Variants in RORA observed in about 807,000 individuals in gnomAD.
RORA encodes nuclear receptor ROR-alpha.
A neutral mutation model predicts 69.5 loss-of-function variants in RORA; 7 were observed. The observed-to-expected ratio is 0.10, with a 90% CI of 0.06 to 0.19. The LOEUF (loss-of-function observed/expected upper bound fraction) is 0.19, where lower values mean the gene tolerates loss of function less well. RORA is among the 10% of genes least tolerant of loss of function. The pLI is 1.00. For synonymous variants in RORA, 261 were observed against 240.8 expected (o/e 1.08, Z -0.78); for missense variants, 457 against 663.0 (o/e 0.69, Z 3.41).
intron 1 of RORA, among the ~76,000 whole-genome samples, chr15:60,925,834 G>A (rs1892202030): frequency 6.6e-6 from 1 of 152,186 alleles, no homozygotes; most frequent in Admixed American, 6.5e-5. Context: ...TAATAATGCA[G>A]GTACTTTGAA....
intron 1 of RORA, among the ~76,000 whole-genome samples, chr15:60,890,215 C>A (rs1188703725): frequency 6.6e-6 from 1 of 152,216 alleles, no homozygotes; most frequent in Non-Finnish European, 1.5e-5. Flanking sequence ...TTTATTCTAA[C>A]CCCCTTATTT....
chr15:60,771,507 C>T (rs1044178516), intron 1 of RORA, among the ~76,000 whole-genome samples: 3 of 152,156 alleles, frequency 2.0e-5, no homozygotes, highest in African/African-American at 7.2e-5. Flanking sequence ...AGCACTAGGC[C>T]TTTCATATAG....
At chr15:61,149,569 A>G (rs974885101) in intron 1 of RORA, among the ~76,000 whole-genome samples, 1 of 152,156 alleles carries the variant, frequency 6.6e-6, no homozygotes, top group Non-Finnish European at 1.5e-5. Context: ...CAAAGGAGTG[A>G]TGTGCCATAA....
At chr15:61,214,893 T>C (rs1398371492) in intron 1 of RORA, among the ~76,000 whole-genome samples, 1 of 132,686 alleles carries the variant, frequency 7.5e-6, no homozygotes, top group Non-Finnish European at 1.5e-5. Flanking sequence ...TGAGACGGAG[T>C]CTTGCTGTGT....
intron 1 of RORA, among the ~76,000 whole-genome samples, chr15:61,116,663 A>G (rs1221515237): frequency 2.6e-5 from 4 of 152,200 alleles, no homozygotes; most frequent in Non-Finnish European, 5.9e-5. Flanking sequence ...GACTGAAAAC[A>G]TTGACGAGCT....
chr15:61,116,968 C>A (rs1005748186), intron 1 of RORA, among the ~76,000 whole-genome samples: 3 of 152,144 alleles, frequency 2.0e-5, no homozygotes, highest in Admixed American at 1.3e-4. Context: ...AGGCTCTCAT[C>A]TTGCCCATTA....
At chr15:61,193,977 C>T (rs1421734744) in intron 1 of RORA, 1 of 152,134 alleles carries the variant, frequency 6.6e-6, no homozygotes, top group Non-Finnish European at 1.5e-5. Flanking sequence ...TTCCTATAGC[C>T]CTGGGGAGTA....
intron 1 of RORA, among the ~76,000 whole-genome samples, chr15:61,180,214 G>A (rs983787546): frequency 6.7e-6 from 1 of 148,258 alleles, no homozygotes; most frequent in African/African-American, 2.5e-5. Flanking sequence ...TACCAGTTAA[G>A]TATGACTTAA....
At chr15:61,058,647 G>A (rs1187381162) in intron 1 of RORA, among the ~76,000 whole-genome samples, 1 of 152,188 alleles carries the variant, frequency 6.6e-6, no homozygotes, top group Non-Finnish European at 1.5e-5. Context: ...GCTGGAGTGA[G>A]AAGAAGAATG....
chr15:60,701,046 C>T (rs955159202), intron 1 of RORA, among the ~76,000 whole-genome samples: 9 of 152,164 alleles, frequency 5.9e-5, no homozygotes, highest in African/African-American at 1.4e-4. Flanking sequence ...CACCCAAAGG[C>T]GGCCTACTCT....
intron 1 of RORA, among the ~76,000 whole-genome samples, chr15:61,006,988 G>C (rs978499319): frequency 6.6e-6 from 1 of 151,924 alleles, no homozygotes; most frequent in African/African-American, 2.4e-5. Context: ...TCCTAAATGT[G>C]TCTGATAATG....
intron 9 of RORA, 47 bp from the exon 10 acceptor site, chr15:60,500,051 T>A: frequency 8.7e-7 from 1 of 1,150,550 alleles, no homozygotes; most frequent in Non-Finnish European, 1.3e-6. Flanking sequence ...TGACATGGTG[T>A]CAGGATCCTT....
intron 1 of RORA, among the ~76,000 whole-genome samples, chr15:61,076,966 T>C (rs1297394393): frequency 2.0e-5 from 3 of 152,002 alleles, no homozygotes; most frequent in African/African-American, 4.8e-5. Flanking sequence ...AATTGCTTCT[T>C]GAACTACACA....
chr15:60,511,627 A>G lies in RORA; in HGVS notation c.425-6T>C. 6.2e-7 allele frequency: 1 copy of G among 1,600,188 alleles called. No individual in the cohort carries two copies. On this transcript the variant is annotated splice_polypyrimidine_tract_variant and splice_region_variant and intron_variant, in intron 4 of 10. Coordinates refer to ENST00000335670, the MANE Select transcript of RORA (RefSeq NM_134261.3). The surrounding 1 kb of genome is among the most constrained non-coding windows in gnomAD (Gnocchi z 6.4). ...CATTCGGCCAAATTTTACAGCTGGA[A>G]GAAAAAAGCCAAACCATACTACATA...
At chr15:60,555,030 C>G (rs1436180210) in intron 2 of RORA, among the ~76,000 whole-genome samples, 1 of 152,176 alleles carries the variant, frequency 6.6e-6, no homozygotes, top group Non-Finnish European at 1.5e-5. Context: ...TCTTGGTCCT[C>G]TGTGCCCTGC....
intron 1 of RORA, among the ~76,000 whole-genome samples, chr15:61,009,565 C>A (rs1895025417): frequency 6.6e-6 from 1 of 152,158 alleles, no homozygotes; most frequent in Non-Finnish European, 1.5e-5. Flanking sequence ...AATTTTAATT[C>A]AGATAGATCG....
At position 60,752,596 on chromosome 15, in the gene RORA, T is replaced by C. The variant is rs187468288; in HGVS notation, c.167-73910A>G. ...CGAGAACAACAGCGGTAGGAAATCA[T>C]TGGAGTTCTCAAATTGCTCCCCCCA... is the stretch of plus-strand genomic sequence containing the variant. On this transcript the variant is annotated intron_variant, in intron 1 of 10. Coordinates refer to ENST00000335670, the MANE Select transcript of RORA (RefSeq NM_134261.3). Among the ~76,000 whole-genome samples, 285 of 151,948 alleles carry C rather than the reference T, an allele frequency of 1.9e-3. 2 individuals are homozygous for C. Among genetic ancestry groups the C allele is most frequent in the Non-Finnish European group, 3.1e-3 (208 of 67,970 alleles).
At chr15:60,876,315 G>C (rs1433523378) in intron 1 of RORA, among the ~76,000 whole-genome samples, 3 of 120,126 alleles carry the variant, frequency 2.5e-5, no homozygotes, top group Admixed American at 7.9e-5. Context: ...AGGAAGTGGG[G>C]GGGGGGGGGG....
At chr15:60,497,794 C>T (rs1267664333) in intron 10 of RORA, among the ~76,000 whole-genome samples, 175 bp from the exon 11 acceptor site, 9 of 152,096 alleles carry the variant, frequency 5.9e-5, no homozygotes, top group Admixed American at 5.9e-4. Flanking sequence ...CGCGGTGGCT[C>T]ATGCCTGTAA....
Sources: gnomAD v4.1 joint callset for allele counts (sites outside exome capture counted in the v4.1 genomes callset) on GRCh38, gnomAD v4.1.1 for gene constraint, Gnocchi (gnomAD v3.1) non-coding constraint, MANE v1.5 for transcripts, NCBI Gene and HGNC (gene_info 2026-07-23, HGNC 2026-07-21) for gene names.